The following RASEF variants were observed in gnomAD, a reference collection of about 807,000 sequenced individuals.
RASEF encodes the protein RAS and EF-hand domain containing.
In RASEF, 68 loss-of-function variants were observed where a neutral mutation model predicts 90.1. That is an observed-to-expected ratio of 0.75 (90% confidence interval 0.62 to 0.92). The LOEUF is 0.92. Ranked by LOEUF, RASEF falls within the 40% of genes least tolerant of loss-of-function variation. The pLI is 0.00. For synonymous variants in RASEF, 331 were observed against 345.2 expected, an observed-to-expected ratio of 0.96 and a Z score of 0.46; for missense variants, 949 against 937.2, an observed-to-expected ratio of 1.01 and a Z score of -0.16.
rs371038218 is a variant in RASEF, at chr9:83,001,143, G to C, written c.1203-13C>G. On this transcript the variant is annotated splice_polypyrimidine_tract_variant and intron_variant, in intron 9 of 16. Transcript: ENST00000376447. Reference sequence around the variant, plus strand: ...AGAGCGGGATGACCTGGTAATAAAGGGGAAGACCAATTTACCTGAGGGCTG... The same window carrying C: ...AGAGCGGGATGACCTGGTAATAAAGCGGAAGACCAATTTACCTGAGGGCTG... 97 of 1,591,794 alleles carry C rather than the reference G, an allele frequency of 6.1e-5. 1 individual carries two copies. The highest frequency in any genetic ancestry group is 8.2e-5 in the Non-Finnish European group (95 of 1,160,908).
At chr9:83,210,520 A>T in the RASEF span, among the ~76,000 whole-genome samples, 1 of 152,256 alleles carries the variant, frequency 6.6e-6, no homozygotes, top group East Asian at 1.9e-4. Context: ...ACATCCTCAG[A>T]CTGGCAGCAC....
At chr9:83,065,158 A>G (rs1471176295), upstream of RASEF, among the ~76,000 whole-genome samples, 1 of 152,214 alleles carries the variant, frequency 6.6e-6, no homozygotes, top group Non-Finnish European at 1.5e-5. Flanking sequence ...TTCTACCAAT[A>G]TTAATATACT....
chr9:83,023,460 C>G (rs1829480090), intron 2 of RASEF, among the ~76,000 whole-genome samples: 1 of 151,970 alleles, frequency 6.6e-6, no homozygotes, highest in Admixed American at 6.5e-5. Flanking sequence ...TAGCAACTTA[C>G]CTGCTTTTGA....
At chr9:83,010,317 A>T (rs1409676551) in intron 5 of RASEF, among the ~76,000 whole-genome samples, 2 of 152,222 alleles carry the variant, frequency 1.3e-5, no homozygotes, top group African/African-American at 4.8e-5. Context: ...TTCCCCTTCC[A>T]AAACCTCACT....
the RASEF span, among the ~76,000 whole-genome samples, chr9:83,160,558 G>A: frequency 1.3e-4 from 20 of 152,170 alleles, no homozygotes; most frequent in African/African-American, 4.8e-4. Flanking sequence ...GAGGCAGAAC[G>A]TAAAAGTTTG....
At chr9:83,011,230 T>C (rs1829236927) in intron 5 of RASEF, among the ~76,000 whole-genome samples, 1 of 152,074 alleles carries the variant, frequency 6.6e-6, no homozygotes, top group Non-Finnish European at 1.5e-5. Context: ...AACATATGGG[T>C]GGCAAGTTTA....
At chr9:83,192,987 C>T in the RASEF span, among the ~76,000 whole-genome samples, 11 of 152,190 alleles carry the variant, frequency 7.2e-5, no homozygotes, top group African/African-American at 2.7e-4. Context: ...TTACAAGCTC[C>T]AGCAGTTAAA....
the RASEF span, among the ~76,000 whole-genome samples, chr9:83,127,416 C>T: frequency 6.6e-6 from 1 of 152,024 alleles, no homozygotes; most frequent in East Asian, 1.9e-4. Context: ...CCCAGGAGCC[C>T]ATAGTTGAAA....
chr9:83,212,874 A>G, the RASEF span, among the ~76,000 whole-genome samples: 2 of 152,196 alleles, frequency 1.3e-5, no homozygotes, highest in African/African-American at 4.8e-5. Flanking sequence ...GAGTGGGGAG[A>G]AAAGCTGCAA....
the RASEF span, among the ~76,000 whole-genome samples, chr9:83,129,424 T>G: frequency 6.7e-6 from 1 of 148,768 alleles, no homozygotes; most frequent in Non-Finnish European, 1.5e-5. Context: ...AAAAAAAAAG[T>G]CCATCACTAG....
the RASEF span, among the ~76,000 whole-genome samples, chr9:83,153,298 C>T: frequency 2.0e-5 from 3 of 152,234 alleles, no homozygotes; most frequent in African/African-American, 7.2e-5. Context: ...GGACATATTG[C>T]TCTCTCCACA....
chr9:82,993,329 T>C (rs1378830206), intron 14 of RASEF, among the ~76,000 whole-genome samples: 1 of 152,128 alleles, frequency 6.6e-6, no homozygotes, highest in Non-Finnish European at 1.5e-5. Flanking sequence ...ATGAAAAGAC[T>C]AAAAGGCACT....
chr9:83,152,892 T>C, the RASEF span, among the ~76,000 whole-genome samples: 1 of 152,184 alleles, frequency 6.6e-6, no homozygotes, highest in African/African-American at 2.4e-5. Context: ...GACTAATCCT[T>C]GCTAGCCACA....
intron 5 of RASEF, among the ~76,000 whole-genome samples, chr9:83,011,439 C>T (rs532558019): frequency 6.7e-6 from 1 of 148,454 alleles, no homozygotes; most frequent in African/African-American, 2.5e-5. Flanking sequence ...ATAGTTCCAG[C>T]TACTTGGGAG....
At chr9:83,030,310 T>C (rs562488612) in intron 1 of RASEF, among the ~76,000 whole-genome samples, 128 of 151,080 alleles carry the variant, frequency 8.5e-4, no homozygotes, top group African/African-American at 2.8e-3. Flanking sequence ...TGAGCCAAGA[T>C]CATGTTACTG....
intron 1 of RASEF, among the ~76,000 whole-genome samples, chr9:83,056,684 G>A (rs1225628789): frequency 1.3e-5 from 2 of 152,214 alleles, no homozygotes; most frequent in Non-Finnish European, 2.9e-5. Flanking sequence ...AGTAGTTTTG[G>A]AGAAGAATAA....
chr9:83,133,455 G>C, the RASEF span, among the ~76,000 whole-genome samples: 8,093 of 152,212 alleles, frequency 0.053, 295 homozygotes, highest in Non-Finnish European at 0.072. Context: ...TTACTGATTT[G>C]ATAAAAGAAC....
chr9:83,028,586 C>T (rs1196545659), intron 1 of RASEF, among the ~76,000 whole-genome samples: 3 of 152,168 alleles, frequency 2.0e-5, no homozygotes, highest in Non-Finnish European at 4.4e-5. Context: ...AATCCTAGGC[C>T]TCAGTAACTG....
At chr9:83,026,556 C>T (rs535518628) in intron 1 of RASEF, among the ~76,000 whole-genome samples, 42 of 152,138 alleles carry the variant, frequency 2.8e-4, no homozygotes, top group African/African-American at 9.6e-4. Context: ...TTCACTATCA[C>T]GAGAACAGTA....
Sources: allele counts gnomAD v4.1 joint callset (sites outside exome capture counted in the v4.1 genomes callset), GRCh38; gene constraint gnomAD v4.1.1; transcripts MANE v1.5; gene names NCBI Gene and HGNC (gene_info 2026-07-23, HGNC 2026-07-21).